Variants in PNPLA1 observed in about 807,000 individuals in gnomAD.
PNPLA1 encodes omega-hydroxyceramide transacylase.
Under a neutral mutation model 51.7 loss-of-function variants are expected in PNPLA1, and 36 were observed. That is an observed-to-expected ratio of 0.70 (90% confidence interval 0.53 to 0.92). The LOEUF (loss-of-function observed/expected upper bound fraction) is 0.92, where lower values mean the gene tolerates loss of function less well. Ranked by LOEUF, PNPLA1 falls within the 40% of genes least tolerant of loss-of-function variation. PNPLA1 has a pLI of 0.00. For synonymous variants in PNPLA1, 293 were observed against 280.1 expected, an observed-to-expected ratio of 1.05 and a Z score of -0.46; for missense variants, 658 against 682.5, an observed-to-expected ratio of 0.96 and a Z score of 0.40.
intron 1 of PNPLA1, among the ~76,000 whole-genome samples, chr6:36,246,257 T>A (rs918169581): frequency 6.6e-6 from 1 of 151,832 alleles, no homozygotes; most frequent in Non-Finnish European, 1.5e-5. Flanking sequence ...CAGGCTGGAG[T>A]GCAGTGGTAC....
rs2285129 is a variant in PNPLA1, at chr6:36,294,983, T to C, written c.715-381T>C. On this transcript the variant is annotated intron_variant, in intron 4 of 8. Coordinates refer to ENST00000636260, the MANE Select transcript of PNPLA1 (RefSeq NM_001374623.1). This position sits in a 1 kb window ranked among gnomAD's most constrained non-coding sequence, Gnocchi z 4.2. Reference sequence around the variant, plus strand: ...TGTCCCCATTTTATAGATGAAGAAATTGAGGCTGTGAGAGGGGACAGCAAC... The same window carrying C: ...TGTCCCCATTTTATAGATGAAGAAACTGAGGCTGTGAGAGGGGACAGCAAC... Among the ~76,000 whole-genome samples, 1 of 152,048 alleles carries C rather than the reference T, an allele frequency of 6.6e-6. No homozygotes were observed. Among genetic ancestry groups the C allele is most frequent in the Non-Finnish European group, 1.5e-5 (1 of 68,002 alleles).
At chr6:36,246,142 C>A (rs1396370633) in intron 1 of PNPLA1, among the ~76,000 whole-genome samples, 2 of 152,124 alleles carry the variant, frequency 1.3e-5, no homozygotes, top group Non-Finnish European at 2.9e-5. Flanking sequence ...TGGTATCACC[C>A]CTGCTGCACA....
intron 1 of PNPLA1, among the ~76,000 whole-genome samples, chr6:36,245,165 G>A (rs568278351): frequency 1.3e-5 from 2 of 152,148 alleles, no homozygotes; most frequent in African/African-American, 2.4e-5. Flanking sequence ...CTGGCCTGTG[G>A]GTGTGACTTC....
In PNPLA1 at chr6:36,311,989, A is replaced by G. The variant is rs1282029083; in HGVS notation, c.*103A>G. 1 of 152,646 alleles carries G rather than the reference A, an allele frequency of 6.6e-6. No homozygotes were observed. Among genetic ancestry groups the G allele is most frequent in the African/African-American group, 2.4e-5 (1 of 41,432 alleles). The allele number at this position is 152,646 out of a possible 1,614,324, so 9.5% of individuals were successfully genotyped here. A position where few individuals can be genotyped will look rare whatever the true frequency, so the allele number is the denominator to read the frequency against. Reference sequence around the variant, plus strand: ...ATTCTCCCACCTTCCCTTCCTGGTCATAGTCAAGGTCAACACTAGCCCAGG... The same window carrying G: ...ATTCTCCCACCTTCCCTTCCTGGTCGTAGTCAAGGTCAACACTAGCCCAGG... On this transcript the variant is annotated 3_prime_UTR_variant, in exon 9 of 9. Transcript: ENST00000636260.
chr6:36,262,928 A>T (rs1235098530), intron 1 of PNPLA1, among the ~76,000 whole-genome samples: 1 of 152,222 alleles, frequency 6.6e-6, no homozygotes, highest in African/African-American at 2.4e-5. Context: ...AATTCTTTGC[A>T]TATATTTTTG....
At position 36,293,099 on chromosome 6, in the gene PNPLA1, C is replaced by G. The variant is rs552392060; in HGVS notation, c.477C>G (p.Gly159=). 1 of 1,614,102 alleles carries G rather than the reference C, an allele frequency of 6.2e-7. No homozygotes were observed. The highest frequency in any genetic ancestry group is 1.3e-5 in the African/African-American group (1 of 75,028). The change falls in exon 3 of 9, where the codon GGC becomes GGG. Residue 159 remains glycine, a synonymous_variant. Coordinates refer to ENST00000636260, the MANE Select transcript of PNPLA1 (RefSeq NM_001374623.1). ...GCTGCTTCGTCCCGGTGTACTGTGG[C>G]CTCATCCCCCCGACTTACCGCGGTG... ...YCSCFVPVYC[G]LIPPTYRGVR... is the part of the protein sequence containing the mutation.
intron 8 of PNPLA1, chr6:36,308,300 C>T (rs1771305034): frequency 6.6e-6 from 1 of 152,176 alleles, no homozygotes; most frequent in Non-Finnish European, 1.5e-5. Flanking sequence ...TCGCTTGAAC[C>T]CAGGAGGCAG....
chr6:36,270,138 C>T lies in PNPLA1; in HGVS notation c.-322C>T, dbSNP rs1005126488. Among the ~76,000 whole-genome samples the T allele has an allele frequency of 2.6e-5, 4 of 152,224 alleles. No homozygotes were observed. The highest frequency in any genetic ancestry group is 1.9e-4 in the East Asian group (1 of 5,198). On this transcript the variant is annotated 5_prime_UTR_variant, in exon 1 of 9. Coordinates refer to ENST00000636260, the MANE Select transcript of PNPLA1 (RefSeq NM_001374623.1). ...GGCAGAGGGCTGAGGATCCCGTGCC[C>T]GAGATGAATCTAGCCAAGAAATGAA...
At chr6:36,246,498 G>C (rs893534587) in intron 1 of PNPLA1, among the ~76,000 whole-genome samples, 2 of 152,072 alleles carry the variant, frequency 1.3e-5, no homozygotes, top group South Asian at 4.1e-4. Context: ...CATGGTGCCC[G>C]GCCAGATCCC....
intron 1 of PNPLA1, among the ~76,000 whole-genome samples, chr6:36,282,233 G>GGAAGGAAGGAAGGAAA (rs1770338375): frequency 1.4e-5 from 2 of 138,144 alleles, no homozygotes; most frequent in South Asian, 2.3e-4. Flanking sequence ...AAGGAAGGAA[G>GGAAGGAAGGAAGGAAA]GAAAGAAAGA....
intron 8 of PNPLA1, among the ~76,000 whole-genome samples, chr6:36,310,989 C>G (rs749997801): frequency 6.6e-6 from 1 of 152,152 alleles, no homozygotes; most frequent in East Asian, 1.9e-4. Context: ...GGGAGGGTCC[C>G]GGGGCAGTGT....
At chr6:36,300,730 G>A (rs1771016531) in intron 5 of PNPLA1, among the ~76,000 whole-genome samples, 1 of 152,138 alleles carries the variant, frequency 6.6e-6, no homozygotes, top group Admixed American at 6.5e-5. Context: ...TCTCCATTGT[G>A]AAGTACTCTT....
intron 3 of PNPLA1, among the ~76,000 whole-genome samples, chr6:36,293,820 G>T (rs919411651): frequency 6.6e-6 from 1 of 152,212 alleles, no homozygotes; most frequent in Non-Finnish European, 1.5e-5. Flanking sequence ...AAAGGAAGGG[G>T]CTTGTGGGTG....
At chr6:36,259,575 T>A (rs1053539721) in intron 1 of PNPLA1, among the ~76,000 whole-genome samples, 1 of 151,602 alleles carries the variant, frequency 6.6e-6, no homozygotes, top group Admixed American at 6.6e-5. Flanking sequence ...AGATCCAACA[T>A]CGATTTAGTA....
chr6:36,286,201 G>T (rs1055281373), intron 1 of PNPLA1, among the ~76,000 whole-genome samples: 9 of 152,236 alleles, frequency 5.9e-5, no homozygotes, highest in Non-Finnish European at 1.3e-4. Context: ...AGTTGAGGAT[G>T]AAAGGTGTTA....
At chr6:36,264,776 G>A (rs1207628860) in intron 1 of PNPLA1, among the ~76,000 whole-genome samples, 1 of 152,048 alleles carries the variant, frequency 6.6e-6, no homozygotes, top group Non-Finnish European at 1.5e-5. Context: ...TTCATTATAA[G>A]AAAAAAGATA....
chr6:36,296,028 G>C (rs564979505), intron 5 of PNPLA1, among the ~76,000 whole-genome samples: 10 of 152,312 alleles, frequency 6.6e-5, no homozygotes, highest in Non-Finnish European at 1.0e-4. Flanking sequence ...GAAATGAACA[G>C]GACTGGGTGT....
In PNPLA1 at chr6:36,276,176, C is replaced by G. The variant is rs1385381438; in HGVS notation, c.205+5512C>G. Among the ~76,000 whole-genome samples the G allele has an allele frequency of 2.0e-5, 3 of 152,102 alleles. No individual in the cohort carries two copies. In the South Asian group the frequency reaches 6.2e-4, roughly 32 times the overall value. On this transcript the variant is annotated intron_variant, in intron 1 of 8. Coordinates refer to ENST00000636260, the MANE Select transcript of PNPLA1 (RefSeq NM_001374623.1). ...GTTTCACCACGTTGGTCAGGCTGGT[C>G]TCGAACTCCTCACCTTAAGCAATCC...
intron 1 of PNPLA1, among the ~76,000 whole-genome samples, chr6:36,250,302 T>C (rs1009371615): frequency 2.0e-5 from 3 of 152,158 alleles, no homozygotes; most frequent in African/African-American, 7.2e-5. Flanking sequence ...GAATACTGTA[T>C]GTTATTTGGA....
Sources: allele counts gnomAD v4.1 joint callset (sites outside exome capture counted in the v4.1 genomes callset), GRCh38; gene constraint gnomAD v4.1.1; non-coding constraint Gnocchi (gnomAD v3.1); transcripts MANE v1.5; gene names NCBI Gene and HGNC (gene_info 2026-07-23, HGNC 2026-07-21).